MGAT4C: variants seen among roughly 807,000 people sequenced by gnomAD.
The protein encoded by MGAT4C is MGAT4 family member C.
Under a neutral mutation model 40.1 loss-of-function variants are expected in MGAT4C, and 19 were observed. That is an observed-to-expected ratio of 0.47 (90% confidence interval 0.33 to 0.70). The LOEUF is 0.70. Ranked by LOEUF, MGAT4C falls within the 30% of genes least tolerant of loss-of-function variation. The pLI, the probability that MGAT4C is intolerant of heterozygous loss-of-function variation, is 0.02. For missense variants in MGAT4C, 491 were observed against 563.2 expected (o/e 0.87, Z 1.30); for synonymous variants, 181 against 187.1 (o/e 0.97, Z 0.27).
At chr12:86,538,699 C>A (rs1355413099) in intron 2 of MGAT4C, among the ~76,000 whole-genome samples, 5 of 151,704 alleles carry the variant, frequency 3.3e-5, no homozygotes, top group Non-Finnish European at 7.4e-5. Context: ...GCTCCACCTC[C>A]CAGGTTCATG....
At chr12:86,436,481 T>C (rs1957140066) in intron 2 of MGAT4C, among the ~76,000 whole-genome samples, 1 of 151,852 alleles carries the variant, frequency 6.6e-6, no homozygotes, top group Non-Finnish European at 1.5e-5. Flanking sequence ...CAGTTAACTA[T>C]TATCCCTTAT....
intron 1 of MGAT4C, among the ~76,000 whole-genome samples, chr12:86,248,352 G>A (rs1017951422): frequency 6.6e-6 from 1 of 151,930 alleles, no homozygotes; most frequent in African/African-American, 2.4e-5. Context: ...CCTCAAGAGA[G>A]TAAAATACCC....
chr12:86,556,371 T>C (rs375864099), intron 2 of MGAT4C, among the ~76,000 whole-genome samples: 3 of 152,312 alleles, frequency 2.0e-5, no homozygotes, highest in South Asian at 4.1e-4. Context: ...GACCTATAAC[T>C]TACTTCACAT....
intron 3 of MGAT4C, among the ~76,000 whole-genome samples, chr12:86,396,207 T>C (rs1956258905): frequency 6.6e-6 from 1 of 152,182 alleles, no homozygotes; most frequent in South Asian, 2.1e-4. Context: ...TTTAAAATAT[T>C]GATACCCAGG....
Position 86,250,329 on chromosome 12 carries a change from CTGAGAGAG to C in MGAT4C, c.-57+5902_-57+5909del, listed in dbSNP as rs778639400. On this transcript the variant is annotated intron_variant, in intron 1 of 4. Transcript: ENST00000611864. ...AACAAGCAACCTACACACACACACA[CTGAGAGAG>C]AGAGAGAGAGAGAGAGAGAGAGAGA... Among the ~76,000 whole-genome samples, 118 of 75,148 alleles carry C rather than the reference CTGAGAGAG, an allele frequency of 1.6e-3. No homozygotes were observed. In the East Asian group the frequency reaches 0.022, roughly 14 times the overall value. The allele number at this position is 75,148 out of a possible 152,430, so 49.3% of individuals were successfully genotyped here.
chr12:86,661,653 A>G (rs1301509474), intron 2 of MGAT4C, among the ~76,000 whole-genome samples: 1 of 152,168 alleles, frequency 6.6e-6, no homozygotes, highest in Non-Finnish European at 1.5e-5. Context: ...GAAGCAATCA[A>G]ACATAAGAAG....
chr12:86,698,371 GTC>G (rs981399069), intron 2 of MGAT4C, among the ~76,000 whole-genome samples: 22 of 151,520 alleles, frequency 1.5e-4, no homozygotes, highest in African/African-American at 2.9e-4. Context: ...TTGTGTGTGT[GTC>G]TATGTGTGTG....
chr12:86,787,704 G>A (rs4598726), intron 1 of MGAT4C, among the ~76,000 whole-genome samples: 146,525 of 152,232 alleles, frequency 0.96, 70,545 homozygotes, highest in East Asian at 1. Flanking sequence ...TCTTTGGGAA[G>A]GAGTATGGAG....
At position 86,250,514 on chromosome 12, in the gene MGAT4C, G is replaced by T. The variant is rs201345629; in HGVS notation, c.-57+5725C>A. Among the ~76,000 whole-genome samples, 10 of 19,894 alleles carry T rather than the reference G, an allele frequency of 5.0e-4. No homozygotes were observed. The East Asian group carries it at 0.019, about 37-fold the overall frequency. 13.1% of individuals were successfully genotyped at this position (19,894 alleles called of 152,430 possible). ...TGAGACAATGGACTGTTGAAAAGCA[G>T]AGACTGTTGGTCTCTACATATATCA... On this transcript the variant is annotated intron_variant, in intron 1 of 4. Coordinates refer to ENST00000611864, the MANE Select transcript of MGAT4C (RefSeq NM_001351288.2).
At chr12:86,190,273 A>C (rs1889233828) in intron 1 of MGAT4C, among the ~76,000 whole-genome samples, 1 of 152,116 alleles carries the variant, frequency 6.6e-6, no homozygotes, top group African/African-American at 2.4e-5. Context: ...TTGCTATTAC[A>C]GTTTAAAAAA....
intron 1 of MGAT4C, among the ~76,000 whole-genome samples, chr12:86,833,013 C>T (rs978653450): frequency 1.3e-5 from 2 of 151,822 alleles, no homozygotes; most frequent in Non-Finnish European, 2.9e-5. Flanking sequence ...TAGACATTTA[C>T]ATCAAATTGA....
chr12:86,218,990 T>A (rs1593266416), intron 1 of MGAT4C, among the ~76,000 whole-genome samples: 1 of 151,964 alleles, frequency 6.6e-6, no homozygotes, highest in East Asian at 1.9e-4. Flanking sequence ...ACCATCCTGG[T>A]TAAGATGGTA....
rs185846238 is a variant in MGAT4C at position 86,458,825 on chromosome 12, T to C, written c.-228-23560A>G. Among the ~76,000 whole-genome samples the C allele has an allele frequency of 2.5e-3, 375 of 152,326 alleles. 1 individual carries two copies. Among genetic ancestry groups the C allele is most frequent in the Non-Finnish European group, 3.1e-3 (213 of 68,032 alleles). On this transcript the variant is annotated intron_variant, in intron 2 of 7. Transcript: ENST00000548651. ...ATTTATTATAATGTATACTATACTT[T>C]TAGGATTATGAACACCAATGCCAGG... is the stretch of plus-strand genomic sequence containing the variant.
At chr12:86,154,389 A>C (rs2135779461) in intron 1 of MGAT4C, among the ~76,000 whole-genome samples, 1 of 152,314 alleles carries the variant, frequency 6.6e-6, no homozygotes, top group East Asian at 1.9e-4. Flanking sequence ...TATAATTGGG[A>C]GTGGGCTGCC....
chr12:86,149,346 A>G (rs1327953181), intron 1 of MGAT4C, among the ~76,000 whole-genome samples: 1 of 152,206 alleles, frequency 6.6e-6, no homozygotes, highest in Admixed American at 6.5e-5. Context: ...GATAAATGTG[A>G]CATGGCTATG....
chr12:86,114,859 G>C (rs978838862), intron 1 of MGAT4C, among the ~76,000 whole-genome samples: 5 of 151,744 alleles, frequency 3.3e-5, no homozygotes, highest in African/African-American at 1.2e-4. Flanking sequence ...CCTACCCTAA[G>C]GAAATAATGT....
At chr12:86,398,448 T>C (rs1956297656) in intron 3 of MGAT4C, among the ~76,000 whole-genome samples, 1 of 152,034 alleles carries the variant, frequency 6.6e-6, no homozygotes, top group Non-Finnish European at 1.5e-5. Context: ...CATTTACAAA[T>C]TACAGAGATA....
chr12:86,813,296 T>C (rs763044736), intron 1 of MGAT4C, among the ~76,000 whole-genome samples: 2 of 150,810 alleles, frequency 1.3e-5, no homozygotes, highest in Non-Finnish European at 3.0e-5. Flanking sequence ...TTTCAAGTCT[T>C]GTTCAAGAAT....
At chr12:86,513,437 T>C (rs1475402949) in intron 2 of MGAT4C, among the ~76,000 whole-genome samples, 1 of 152,184 alleles carries the variant, frequency 6.6e-6, no homozygotes, top group Non-Finnish European at 1.5e-5. Context: ...TCATGACTGG[T>C]CTGAAAGCTT....
Sources: allele counts gnomAD v4.1 joint callset (sites outside exome capture counted in the v4.1 genomes callset), GRCh38; gene constraint gnomAD v4.1.1; transcripts MANE v1.5; gene names NCBI Gene and HGNC (gene_info 2026-07-23, HGNC 2026-07-21).